CDH1: variants seen among roughly 807,000 people sequenced by gnomAD.
CDH1 encodes cadherin-1.
CDH1 carries 35 observed loss-of-function variants against 84.5 expected under a neutral mutation model. The ratio of observed to expected loss-of-function variants is 0.41; its 90% CI spans 0.32 to 0.55. CDH1 has a LOEUF of 0.55. Among genes scored for constraint, CDH1 ranks in the 20% least tolerant of loss-of-function variants. The pLI is 0.19. For synonymous variants in CDH1, 417 were observed against 439.0 expected (o/e 0.95, Z 0.63); for missense variants, 994 against 1,126.6 (o/e 0.88, Z 1.68).
At chr16:68,743,381 T>C (rs1413614540) in intron 2 of CDH1, among the ~76,000 whole-genome samples, 3 of 150,726 alleles carry the variant, frequency 2.0e-5, no homozygotes, top group African/African-American at 7.3e-5. Context: ...TTCTTTCTTT[T>C]GAGACGGAGT....
rs765545887 is a variant in CDH1, at chr16:68,833,427, T to C, written c.2577T>C (p.Tyr859=). 6.2e-6 allele frequency: 10 copies of C among 1,614,210 alleles called. No homozygotes were observed. The highest frequency in any genetic ancestry group is 7.6e-6 in the Non-Finnish European group (9 of 1,180,050). ...CAGAGTCAGACAAAGACCAGGACTA[T>C]GACTACTTGAACGAATGGGGCAATC... is the stretch of plus-strand genomic sequence containing the variant. ...NSSESDKDQD[Y]DYLNEWGNRF... The change falls in exon 16 of 16, where the codon TAT becomes TAC. Residue 859 remains tyrosine, a synonymous_variant. Coordinates refer to ENST00000261769, the MANE Select transcript of CDH1 (RefSeq NM_004360.5).
chr16:68,737,442 G>C lies in CDH1; in HGVS notation c.27G>C (p.Ser9=), dbSNP rs786201257. The change falls in exon 1 of 16, where the codon TCG becomes TCC. Residue 9 remains serine (S), a synonymous_variant. Transcript: ENST00000261769. MGPWSRSL[S]ALLLLLQVSS... ...TGGGCCCTTGGAGCCGCAGCCTCTC[G>C]GCGCTGCTGCTGCTGCTGCAGGTAC... is the stretch of plus-strand genomic sequence containing the variant. 1.3e-6 allele frequency: 2 copies of C among 1,535,658 alleles called. No homozygotes were observed. Among genetic ancestry groups the C allele is most frequent in the Non-Finnish European group, 1.7e-6 (2 of 1,147,506 alleles).
At chr16:68,769,970 C>T (rs1045353126) in intron 2 of CDH1, among the ~76,000 whole-genome samples, 5 of 149,204 alleles carry the variant, frequency 3.4e-5, no homozygotes, top group Admixed American at 1.3e-4. Context: ...TGTGAGCCAC[C>T]GCAGCTGGCT....
chr16:68,833,859 G>T lies in CDH1; in HGVS notation c.*360G>T, dbSNP rs867977264. 2.3e-5 allele frequency: 9 copies of T among 385,696 alleles called. No homozygotes were observed. The highest frequency in any genetic ancestry group is 1.6e-4 in the African/African-American group (8 of 49,094). The allele number at this position is 385,696 out of a possible 1,614,324, so 23.9% of individuals were successfully genotyped here. ...AATTTTGTCTCACTTTTAAAAAGAA[G>T]GGGAGAAGTCAGCTACTCTAGTTCT... is the stretch of plus-strand genomic sequence containing the variant. On this transcript the variant is annotated 3_prime_UTR_variant, in exon 16 of 16. Coordinates refer to ENST00000261769, the MANE Select transcript of CDH1 (RefSeq NM_004360.5).
rs762388314 is a variant in CDH1 at position 68,808,547 on chromosome 16, T to C, written c.511T>C (p.Phe171Leu). The stretch of plus-strand genomic sequence containing the variant: ...CTGCCCAGAAAATGAAAAAGGCCCA[T>C]TTCCTAAAAACCTGGTTCAGGTAGA... Reference protein sequence around the residue: ...ISCPENEKGPFPKNLVQIKSN... With the variant: ...ISCPENEKGPLPKNLVQIKSN... Residue 171 changes from phenylalanine (F) to leucine (L), a missense_variant, in exon 4 of 16, where the codon TTT becomes CTT. Phe to Leu is a conservative substitution (Grantham distance 22). Transcript: ENST00000261769. 1 of 1,614,182 alleles carries C rather than the reference T, an allele frequency of 6.2e-7. No homozygotes were observed. Among genetic ancestry groups the C allele is most frequent in the Non-Finnish European group, 8.5e-7 (1 of 1,180,032 alleles).
At chr16:68,751,242 A>G (rs549858355) in intron 2 of CDH1, among the ~76,000 whole-genome samples, 3 of 152,276 alleles carry the variant, frequency 2.0e-5, no homozygotes, top group East Asian at 3.9e-4. Context: ...CTGAGGCTTC[A>G]CTGATCTGTC....
chr16:68,791,402 T>A (rs1960204613), intron 2 of CDH1, among the ~76,000 whole-genome samples: 1 of 152,170 alleles, frequency 6.6e-6, no homozygotes, highest in Admixed American at 6.5e-5. Context: ...CTATTACACT[T>A]TTCATTCCTG....
chr16:68,775,248 A>G (rs1357033815), intron 2 of CDH1, among the ~76,000 whole-genome samples: 1 of 152,212 alleles, frequency 6.6e-6, no homozygotes, highest in African/African-American at 2.4e-5. Flanking sequence ...GCCATTTGAA[A>G]GTACGCTGCA....
At chr16:68,821,858 G>T in intron 11 of CDH1, 143 bp from the exon 12 acceptor site, 2 of 713,076 alleles carry the variant, frequency 2.8e-6, no homozygotes, top group Non-Finnish European at 5.0e-6. Flanking sequence ...GGGATTGGTG[G>T]GACAGGAGGT....
At chr16:68,812,312 T>C (rs2152132792) in intron 8 of CDH1, 49 bp downstream of exon 8, 1 of 1,599,586 alleles carries the variant, frequency 6.3e-7, no homozygotes, top group Non-Finnish European at 8.6e-7. Context: ...TCTTTTGTTG[T>C]TCATGAACTA....
rs746703615 is a variant in CDH1, at chr16:68,801,883, C to T, written c.377C>T (p.Pro126Leu). 30 of 1,613,478 alleles carry T rather than the reference C, an allele frequency of 1.9e-5. No homozygotes were observed. Among genetic ancestry groups the T allele is most frequent in the South Asian group, 1.3e-4 (12 of 91,074 alleles). Residue 126 changes from proline (P) to leucine (L), a missense_variant, in exon 3 of 16, where the codon CCG becomes CTG. By Grantham distance (98) the Pro-to-Leu change is moderately conservative (BLOSUM62 -3). Coordinates refer to ENST00000261769, the MANE Select transcript of CDH1 (RefSeq NM_004360.5). ...ACAGTGGGGCACCACCACCGCCCCC[C>T]GCCCCATCAGGTATGTTGGCATTTT... is the stretch of plus-strand genomic sequence containing the variant. ...LNTVGHHHRP[P>L]PHQASVSGIQ... is the part of the protein sequence containing the mutation.
In CDH1 at chr16:68,810,407, T is replaced by C. The variant is rs1960789493; in HGVS notation, c.832+66T>C. ...TTAGGTTCTTTGGACCCCAAAGTGT[T>C]GTCCAAGCCCAAAGGTTGTGTAACT... is the stretch of plus-strand genomic sequence containing the variant. On this transcript the variant is annotated intron_variant, in intron 6 of 15. Coordinates refer to ENST00000261769, the MANE Select transcript of CDH1 (RefSeq NM_004360.5). 5.4e-6 allele frequency: 8 copies of C among 1,485,954 alleles called. No homozygotes were observed. In the South Asian group the frequency reaches 7.9e-5, roughly 15 times the overall value. 92.0% of individuals were successfully genotyped at this position (1,485,954 alleles called of 1,614,324 possible).
At chr16:68,802,263 C>T (rs1218725629) in intron 3 of CDH1, among the ~76,000 whole-genome samples, 1 of 152,158 alleles carries the variant, frequency 6.6e-6, no homozygotes, top group African/African-American at 2.4e-5. Flanking sequence ...GAATCTCAGC[C>T]GTGCTATTTA....
At chr16:68,788,763 C>T (rs903817212) in intron 2 of CDH1, among the ~76,000 whole-genome samples, 1 of 152,044 alleles carries the variant, frequency 6.6e-6, no homozygotes, top group Admixed American at 6.6e-5. Flanking sequence ...CTTTTGGAGG[C>T]CGAGACGGGT....
At chr16:68,748,806 T>G (rs892421465) in intron 2 of CDH1, among the ~76,000 whole-genome samples, 1 of 152,266 alleles carries the variant, frequency 6.6e-6, no homozygotes, top group Non-Finnish European at 1.5e-5. Context: ...AGGTGTTATG[T>G]GCCTGCCTGT....
chr16:68,835,494 T>C lies in CDH1; in HGVS notation c.*1995T>C. The C allele has an allele frequency of 4.9e-6, 1 of 202,782 alleles. No homozygotes were observed. The highest frequency in any genetic ancestry group is 1.0e-5 in the Non-Finnish European group (1 of 98,440). The allele number at this position is 202,782 out of a possible 1,614,324, so 12.6% of individuals were successfully genotyped here. A position where few individuals can be genotyped will look rare whatever the true frequency, so the allele number is the denominator to read the frequency against. ...ACAATTCAAGCTGAGAAAAGTATTC[T>C]CAAAGATGCATTTTTATAAATTTTA... On this transcript the variant is annotated 3_prime_UTR_variant, in exon 16 of 16. Coordinates refer to ENST00000261769, the MANE Select transcript of CDH1 (RefSeq NM_004360.5).
At chr16:68,781,826 G>T (rs1449891186) in intron 2 of CDH1, among the ~76,000 whole-genome samples, 2 of 152,096 alleles carry the variant, frequency 1.3e-5, no homozygotes, top group African/African-American at 4.8e-5. Context: ...GACTGTTGAA[G>T]ACCACAGAGC....
In CDH1 at chr16:68,834,040, T is replaced by C; in HGVS notation, c.*541T>C. 2.7e-6 allele frequency: 1 copy of C among 375,356 alleles called. No homozygotes were observed. The highest frequency in any genetic ancestry group is 5.1e-6 in the Non-Finnish European group (1 of 195,886). 23.3% of individuals were successfully genotyped at this position (375,356 alleles called of 1,614,324 possible). A position where few individuals can be genotyped will look rare whatever the true frequency, so the allele number is the denominator to read the frequency against. On this transcript the variant is annotated 3_prime_UTR_variant, in exon 16 of 16. Transcript: ENST00000261769. ...GGTGCAATCACAGCTCACTGCAGCC[T>C]TGTCCTCCCAGGCTCAAGCTATCCT...
At chr16:68,745,611 A>ATATATATATGTGTATATATATGTATGTG (rs1555510508) in intron 2 of CDH1, among the ~76,000 whole-genome samples, 28 of 116,116 alleles carry the variant, frequency 2.4e-4, no homozygotes, top group African/African-American at 1.0e-3. Flanking sequence ...ATGTATGTGT[A>ATATATATATGTGTATATATATGTATGTG]TATATATATA....
Sources: gnomAD v4.1 joint callset for allele counts (sites outside exome capture counted in the v4.1 genomes callset) on GRCh38, gnomAD v4.1.1 for gene constraint, MANE v1.5 for transcripts, NCBI Gene and HGNC (gene_info 2026-07-23, HGNC 2026-07-21) for gene names.